Variants in FMNL3 observed in about 807,000 individuals in gnomAD.
FMNL3 encodes the protein formin like 3, also known as formin-like protein 3.
In FMNL3, 57 loss-of-function variants were observed where a neutral mutation model predicts 119.6. The observed-to-expected ratio is 0.48, with a 90% CI of 0.39 to 0.59. The LOEUF (loss-of-function observed/expected upper bound fraction) is 0.59. Among genes scored for constraint, FMNL3 ranks in the 20% least tolerant of loss-of-function variants. The pLI is 0.00. For synonymous variants in FMNL3, 491 were observed against 507.3 expected (o/e 0.97, Z 0.43); for missense variants, 1,053 against 1,323.5 (o/e 0.80, Z 3.17).
intron 1 of FMNL3, among the ~76,000 whole-genome samples, chr12:49,699,237 T>G (rs1483919951): frequency 1.3e-5 from 2 of 152,166 alleles, no homozygotes; most frequent in Non-Finnish European, 2.9e-5. Flanking sequence ...CCCATGGGCT[T>G]ACTACAGTCA....
intron 1 of FMNL3, among the ~76,000 whole-genome samples, chr12:49,690,303 C>T (rs1054850456): frequency 1.3e-5 from 2 of 152,022 alleles, no homozygotes; most frequent in African/African-American, 2.4e-5. Flanking sequence ...GCACCTATGA[C>T]GTATTAACTT....
chr12:49,706,804 T>C (rs1454765720), intron 1 of FMNL3, among the ~76,000 whole-genome samples: 2 of 152,178 alleles, frequency 1.3e-5, no homozygotes, highest in Non-Finnish European at 2.9e-5. Context: ...GCCTGGTTCC[T>C]AGGACGGTCC....
chr12:49,707,048 C>T lies in FMNL3; in HGVS notation c.126+7G>A, dbSNP rs1168344603. On this transcript the variant is annotated splice_region_variant and intron_variant, in intron 1 of 25. Coordinates refer to ENST00000335154, the MANE Select transcript of FMNL3 (RefSeq NM_175736.5). ...ACGCGGGGGAAGGGGCTGGGCTCAG[C>T]TCTCACCAGCACCAGGGCGAACCTT... The T allele has an allele frequency of 6.4e-7, 1 of 1,574,794 alleles. No homozygotes were observed. The highest frequency in any genetic ancestry group is 8.6e-7 in the Non-Finnish European group (1 of 1,160,846).
chr12:49,675,393 C>T (rs776333560), intron 1 of FMNL3, among the ~76,000 whole-genome samples: 23 of 152,330 alleles, frequency 1.5e-4, no homozygotes, highest in Non-Finnish European at 2.6e-4. Flanking sequence ...TTTTCCAAAG[C>T]CAAGGAGTCT....
intron 4 of FMNL3, among the ~76,000 whole-genome samples, chr12:49,664,355 T>A (rs558303045): frequency 6.6e-6 from 1 of 152,274 alleles, no homozygotes; most frequent in South Asian, 2.1e-4. Flanking sequence ...CAGTGAGTCA[T>A]GATCATGTCA....
rs1424663984 is a variant in FMNL3 at position 49,645,240 on chromosome 12, A to G, written c.*575T>C. The G allele has an allele frequency of 2.6e-5, 4 of 152,236 alleles. No homozygotes were observed. The highest frequency in any genetic ancestry group is 9.7e-5 in the African/African-American group (4 of 41,422). The allele number at this position is 152,236 out of a possible 1,614,324, so 9.4% of individuals were successfully genotyped here. A position where few individuals can be genotyped will look rare whatever the true frequency, so the allele number is the denominator to read the frequency against. Reference sequence around the variant, plus strand: ...CTCTTCTGCCCACCTTGACAAGGACAGTGTGAGCCTAGAATGAAATGGGCA... The same window carrying G: ...CTCTTCTGCCCACCTTGACAAGGACGGTGTGAGCCTAGAATGAAATGGGCA... On this transcript the variant is annotated 3_prime_UTR_variant, in exon 26 of 26. Transcript: ENST00000335154.
At chr12:49,651,729 T>A (rs1943408652) in intron 14 of FMNL3, among the ~76,000 whole-genome samples, 2 of 152,200 alleles carry the variant, frequency 1.3e-5, no homozygotes, top group South Asian at 4.1e-4. Flanking sequence ...TTAAAACAGG[T>A]CCACATCTGC....
intron 1 of FMNL3, among the ~76,000 whole-genome samples, chr12:49,705,554 C>T (rs1002834174): frequency 1.3e-5 from 2 of 152,118 alleles, no homozygotes; most frequent in Non-Finnish European, 2.9e-5. Context: ...TTTTCACACC[C>T]CCACCAGAGT....
chr12:49,661,839 A>T, intron 5 of FMNL3, 127 bp downstream of exon 5: 2 of 895,390 alleles, frequency 2.2e-6, no homozygotes, highest in Non-Finnish European at 3.7e-6. Context: ...TGCTTGGGCT[A>T]CTCCTTCCTG....
chr12:49,691,719 G>A (rs980888973), intron 1 of FMNL3, among the ~76,000 whole-genome samples: 1 of 151,482 alleles, frequency 6.6e-6, no homozygotes, highest in Non-Finnish European at 1.5e-5. Context: ...TAAGAGAGGA[G>A]CCTTTTTTTT....
At chr12:49,679,917 G>A (rs977652942) in intron 1 of FMNL3, among the ~76,000 whole-genome samples, 7 of 152,208 alleles carry the variant, frequency 4.6e-5, no homozygotes, top group Non-Finnish European at 1.0e-4. Context: ...GGAACCTGAA[G>A]CTTATAAACA....
chr12:49,642,139 C>G lies in FMNL3; in HGVS notation c.*3676G>C, dbSNP rs1942753372. 6.2e-7 allele frequency: 1 copy of G among 1,605,880 alleles called. No individual in the cohort carries two copies. Among genetic ancestry groups the G allele is most frequent in the African/African-American group, 1.3e-5 (1 of 74,906 alleles). On this transcript the variant is annotated 3_prime_UTR_variant, in exon 26 of 26. Transcript: ENST00000335154. The surrounding 1 kb of genome is among the most constrained non-coding windows in gnomAD (Gnocchi z 5.8). ...CCAATTCAGGGGATGGTGGTAGAAG[C>G]CCAGACCCTAACTTTCCACCTCCTA...
intron 1 of FMNL3, among the ~76,000 whole-genome samples, chr12:49,684,642 G>A (rs1324267302): frequency 6.6e-6 from 1 of 152,162 alleles, no homozygotes; most frequent in Non-Finnish European, 1.5e-5. Context: ...ATGCACAAGA[G>A]ATTCTTAATT....
At position 49,666,051 on chromosome 12, in the gene FMNL3, A is replaced by C. The variant is rs1943882111; in HGVS notation, c.291+76T>G. ...CTCAGAAACAGATGTCCAATATCCA[A>C]GTCAAAGGGTTTGCCCCCAAACCCC... On this transcript the variant is annotated intron_variant, in intron 3 of 25. Coordinates refer to ENST00000335154, the MANE Select transcript of FMNL3 (RefSeq NM_175736.5). 3.9e-6 allele frequency: 6 copies of C among 1,552,580 alleles called. No individual in the cohort carries two copies. The Admixed American group carries it at 6.7e-5, about 17-fold the overall frequency.
At position 49,654,267 on chromosome 12, in the gene FMNL3, G is replaced by A. The variant is rs1330319058; in HGVS notation, c.996C>T (p.His332=). 1 of 1,614,076 alleles carries A rather than the reference G, an allele frequency of 6.2e-7. No individual in the cohort carries two copies. The highest frequency in any genetic ancestry group is 1.3e-5 in the African/African-American group (1 of 75,010). Residue 332 remains histidine (H), a synonymous_variant, in exon 11 of 26, where the codon CAC becomes CAT. Coordinates refer to ENST00000335154, the MANE Select transcript of FMNL3 (RefSeq NM_175736.5). ...CCCGGAAGTTCATGTCCTCCACCGA[G>A]TGCACCACGATGTTGATGAACTGCA... The part of the protein sequence containing the change: ...ACMQFINIVV[H]SVEDMNFRVH...
At chr12:49,655,692 C>T (rs1007495278) in intron 9 of FMNL3, among the ~76,000 whole-genome samples, 1 of 152,066 alleles carries the variant, frequency 6.6e-6, no homozygotes, top group Non-Finnish European at 1.5e-5. Flanking sequence ...GGCCAGTGTA[C>T]AGGAAAGCCC....
rs145633741 is a variant in FMNL3, at chr12:49,701,119, A to G, written c.126+5936T>C. ...AAGAAATAATGATACTGAATAATAT[A>G]TAAGCAAATGAGAAAATGCTTAAAA... is the stretch of plus-strand genomic sequence containing the variant. On this transcript the variant is annotated intron_variant, in intron 1 of 25. Transcript: ENST00000335154. Among the ~76,000 whole-genome samples the G allele has an allele frequency of 2.0e-5, 3 of 151,976 alleles. No individual in the cohort carries two copies. The East Asian group carries it at 5.8e-4, about 29-fold the overall frequency.
At chr12:49,673,814 C>A (rs528471229) in intron 1 of FMNL3, among the ~76,000 whole-genome samples, 17 of 152,346 alleles carry the variant, frequency 1.1e-4, no homozygotes, top group African/African-American at 4.1e-4. Context: ...CTGCTGCCGC[C>A]GCCTCCACGT....
chr12:49,707,278 C>T lies in FMNL3; in HGVS notation c.-98G>A, dbSNP rs1478182102. 9.2e-6 allele frequency: 11 copies of T among 1,198,554 alleles called. No individual in the cohort carries two copies. The African/African-American group carries it at 1.8e-4, about 19-fold the overall frequency. The allele number at this position is 1,198,554 out of a possible 1,614,324, so 74.2% of individuals were successfully genotyped here. On this transcript the variant is annotated 5_prime_UTR_variant, in exon 1 of 26. Coordinates refer to ENST00000335154, the MANE Select transcript of FMNL3 (RefSeq NM_175736.5). ...CCAGGCTCCTCCCTCAGCGCCGGCT[C>T]CCCGAGTCCCGACTCCTCGGCCCCG...
Sources: allele counts gnomAD v4.1 joint callset (sites outside exome capture counted in the v4.1 genomes callset), GRCh38; gene constraint gnomAD v4.1.1; non-coding constraint Gnocchi (gnomAD v3.1); transcripts MANE v1.5; gene names NCBI Gene and HGNC (gene_info 2026-07-23, HGNC 2026-07-21).